Variants in TEKT1 observed in about 807,000 individuals in gnomAD.
TEKT1 encodes tektin 1.
In TEKT1, 32 loss-of-function variants were observed where a neutral mutation model predicts 34.8. The observed-to-expected ratio is 0.92, with a 90% CI of 0.69 to 1.23. The LOEUF is 1.23. TEKT1 is among the 50% of genes most tolerant of loss of function. TEKT1 has a pLI of 0.00. For synonymous variants in TEKT1, 207 were observed against 199.8 expected (o/e 1.04, Z -0.30); for missense variants, 492 against 518.5 (o/e 0.95, Z 0.50).
In TEKT1 at chr17:6,823,628, C is replaced by T. The variant is rs141732152; in HGVS notation, c.191-4270G>A. Among the ~76,000 whole-genome samples, 307 of 152,220 alleles carry T rather than the reference C, an allele frequency of 2.0e-3. 5 individuals carry two copies. The highest frequency in any genetic ancestry group is 7.1e-3 in the African/African-American group (293 of 41,534). ...ATGTAGATGGGCATCTTCCCATTGA[C>T]ACCTTGTAACTGATTTTCACCTCTA... On this transcript the variant is annotated intron_variant, in intron 2 of 7. Transcript: ENST00000338694.
intron 5 of TEKT1, among the ~76,000 whole-genome samples, chr17:6,813,299 C>G (rs1976954297): frequency 6.6e-6 from 1 of 152,066 alleles, no homozygotes; most frequent in Non-Finnish European, 1.5e-5. Flanking sequence ...AGTGAGCTAA[C>G]TTTTCTAATC....
At chr17:6,803,682 A>G (rs1435947042) in intron 6 of TEKT1, among the ~76,000 whole-genome samples, 3 of 151,996 alleles carry the variant, frequency 2.0e-5, no homozygotes, top group Non-Finnish European at 4.4e-5. Flanking sequence ...ACATATGGCT[A>G]GCCAGTTTTC....
chr17:6,818,497 C>T (rs118144554), intron 3 of TEKT1, among the ~76,000 whole-genome samples: 1 of 152,058 alleles, frequency 6.6e-6, no homozygotes, highest in African/African-American at 2.4e-5. Context: ...AAAGTGCTTC[C>T]GTGTGGCTCT....
At position 6,798,892 on chromosome 17, in the gene TEKT1, T is replaced by G. The variant is rs954783836; in HGVS notation, c.*1135A>C. On this transcript the variant is annotated 3_prime_UTR_variant, in exon 8 of 8. Coordinates refer to ENST00000338694, the MANE Select transcript of TEKT1 (RefSeq NM_053285.2). ...TCCTAAAGAAGGAGAGAAACTTTCC[T>G]GGCAGTGTTGCAACTAGAAGCTAGG... 5 of 152,362 alleles carry G rather than the reference T, an allele frequency of 3.3e-5. No homozygotes were observed. The East Asian group carries it at 9.6e-4, about 29-fold the overall frequency. 9.4% of individuals were successfully genotyped at this position (152,362 alleles called of 1,614,324 possible).
intron 2 of TEKT1, among the ~76,000 whole-genome samples, chr17:6,823,606 T>C (rs1311152508): frequency 1.4e-4 from 21 of 152,170 alleles, no homozygotes; most frequent in Admixed American, 1.4e-3. Context: ...ATCCACCATG[T>C]AGATGGGCAT....
At chr17:6,801,049 G>A in intron 6 of TEKT1, 106 bp from the exon 7 acceptor site, 1 of 1,101,640 alleles carries the variant, frequency 9.1e-7, no homozygotes, top group Non-Finnish European at 1.3e-6. Context: ...GGGAACCTCA[G>A]ATTTCTTCTT....
intron 2 of TEKT1, among the ~76,000 whole-genome samples, chr17:6,824,552 A>G (rs753022799): frequency 6.6e-6 from 1 of 152,168 alleles, no homozygotes; most frequent in Non-Finnish European, 1.5e-5. Context: ...CATAAATCCA[A>G]CATACATATT....
chr17:6,801,082 C>G, intron 6 of TEKT1, 139 bp from the exon 7 acceptor site: 2 of 816,606 alleles, frequency 2.4e-6, no homozygotes, highest in Non-Finnish European at 3.8e-6. Flanking sequence ...AGAGTCTGAT[C>G]TCTCTTCCCT....
chr17:6,823,870 C>T (rs1193768991), intron 2 of TEKT1, among the ~76,000 whole-genome samples: 9 of 141,898 alleles, frequency 6.3e-5, no homozygotes, highest in Admixed American at 1.5e-4. Flanking sequence ...TCACCCAGGC[C>T]GGACTGCAGT....
chr17:6,798,749 C>G lies in TEKT1; in HGVS notation c.*1278G>C, dbSNP rs1247154024. The G allele has an allele frequency of 6.6e-6, 1 of 152,268 alleles. No homozygotes were observed. Among genetic ancestry groups the G allele is most frequent in the African/African-American group, 2.4e-5 (1 of 41,466 alleles). The allele number at this position is 152,268 out of a possible 1,614,324, so 9.4% of individuals were successfully genotyped here. A position where few individuals can be genotyped will look rare whatever the true frequency, so the allele number is the denominator to read the frequency against. Reference sequence around the variant, plus strand: ...AAAGCTCCCAGGAATTAGGCCCACACTCTGCATTATCATTGTGCCCTATGA... The same window carrying G: ...AAAGCTCCCAGGAATTAGGCCCACAGTCTGCATTATCATTGTGCCCTATGA... On this transcript the variant is annotated 3_prime_UTR_variant, in exon 8 of 8. Coordinates refer to ENST00000338694, the MANE Select transcript of TEKT1 (RefSeq NM_053285.2).
At chr17:6,822,488 A>C (rs1977107104) in intron 2 of TEKT1, among the ~76,000 whole-genome samples, 1 of 152,002 alleles carries the variant, frequency 6.6e-6, no homozygotes, top group African/African-American at 2.4e-5. Flanking sequence ...AGCCTCCCAG[A>C]CTGATCCTCT....
intron 6 of TEKT1, among the ~76,000 whole-genome samples, chr17:6,801,160 G>A (rs3817137): frequency 0.18 from 27,873 of 152,102 alleles, 2,897 homozygotes; most frequent in East Asian, 0.4. Flanking sequence ...GGGACAGGAC[G>A]GGCCATTGTC....
intron 6 of TEKT1, among the ~76,000 whole-genome samples, chr17:6,802,790 T>A (rs1395361484): frequency 6.6e-6 from 1 of 152,076 alleles, no homozygotes; most frequent in Non-Finnish European, 1.5e-5. Context: ...ACTTCATCCA[T>A]GTCCCTGCAA....
At position 6,800,761 on chromosome 17, in the gene TEKT1, G is replaced by A; in HGVS notation, c.1035C>T (p.Thr345=). The change falls in exon 7 of 8, where the codon ACC becomes ACT. Residue 345 remains threonine, a synonymous_variant. Transcript: ENST00000338694. ...YRLMKEVQEI[T]HNVARLKETL... Reference sequence around the variant, plus strand: ...TGCTAGCCTACCTTGCGACATTGTGGGTGATCTCTTGAACCTCCTTCATTA... The same window carrying A: ...TGCTAGCCTACCTTGCGACATTGTGAGTGATCTCTTGAACCTCCTTCATTA... The A allele has an allele frequency of 6.2e-7, 1 of 1,612,588 alleles. No homozygotes were observed. The highest frequency in any genetic ancestry group is 1.1e-5 in the South Asian group (1 of 90,784).
chr17:6,819,251 T>C lies in TEKT1; in HGVS notation c.298A>G (p.Lys100Glu). ...GGCTCTTTCAAGGTCTCCAGGGCTT[T>C]TTCCAATCTGATCTTATATATGAGT... is the stretch of plus-strand genomic sequence containing the variant. ...DLLIYKIRLE[K>E]ALETLKEPLH... Residue 100 changes from lysine (K) to glutamate (E), a missense_variant, in exon 3 of 8, where the codon AAA becomes GAA. Lys to Glu is a moderately conservative substitution (Grantham distance 56, BLOSUM62 1). Transcript: ENST00000338694. 6.2e-7 allele frequency: 1 copy of C among 1,614,122 alleles called. No individual in the cohort carries two copies. The highest frequency in any genetic ancestry group is 1.1e-5 in the South Asian group (1 of 91,054).
chr17:6,803,764 G>T (rs558919627), intron 6 of TEKT1, among the ~76,000 whole-genome samples: 52 of 152,138 alleles, frequency 3.4e-4, no homozygotes, highest in African/African-American at 1.1e-3. Context: ...AAGATCAGAT[G>T]GTTGTAGATA....
At chr17:6,815,752 GC>G in intron 4 of TEKT1, 81 bp downstream of exon 4, 2 of 1,578,716 alleles carry the variant, frequency 1.3e-6, no homozygotes, top group Non-Finnish European at 1.7e-6. Flanking sequence ...TTCTTTCTGT[GC>G]CATGGAGCCC....
intron 5 of TEKT1, among the ~76,000 whole-genome samples, chr17:6,813,811 C>T (rs1212029484): frequency 6.6e-6 from 1 of 152,008 alleles, no homozygotes; most frequent in Non-Finnish European, 1.5e-5. Context: ...TAGTGATCCC[C>T]CCTCCTGGTA....
chr17:6,813,972 C>G (rs1182548447), intron 5 of TEKT1, among the ~76,000 whole-genome samples: 2 of 152,020 alleles, frequency 1.3e-5, no homozygotes, highest in Non-Finnish European at 2.9e-5. Context: ...CTCTCTCTCT[C>G]TCTCTCGGAT....
Sources: allele counts gnomAD v4.1 joint callset (sites outside exome capture counted in the v4.1 genomes callset), GRCh38; gene constraint gnomAD v4.1.1; transcripts MANE v1.5; gene names NCBI Gene and HGNC (gene_info 2026-07-23, HGNC 2026-07-21).